MBNL2: variants seen among roughly 807,000 people sequenced by gnomAD.
MBNL2 encodes the protein muscleblind like splicing regulator 2, also known as muscleblind-like protein 2.
A neutral mutation model predicts 41.9 loss-of-function variants in MBNL2; 17 were observed. The ratio of observed to expected loss-of-function variants is 0.41; its 90% CI spans 0.28 to 0.61. MBNL2 has a LOEUF of 0.61. MBNL2 is among the 20% of genes least tolerant of loss of function. The pLI is 0.35. For synonymous variants in MBNL2, 195 were observed against 182.9 expected (o/e 1.07, Z -0.53); for missense variants, 336 against 505.6 (o/e 0.66, Z 3.22).
At chr13:97,224,305 G>GA (rs577461549) in intron 1 of MBNL2, among the ~76,000 whole-genome samples, 89 of 152,266 alleles carry the variant, frequency 5.8e-4, no homozygotes, top group African/African-American at 2.0e-3. Context: ...TGCTTTCATA[G>GA]AAAAATCATC....
At chr13:97,273,580 G>A (rs1474622914) in intron 1 of MBNL2, among the ~76,000 whole-genome samples, 3 of 152,196 alleles carry the variant, frequency 2.0e-5, no homozygotes, top group Non-Finnish European at 2.9e-5. Context: ...TTCCTTAAAT[G>A]TGCATGCAAT....
intron 1 of MBNL2, among the ~76,000 whole-genome samples, chr13:97,257,335 C>G (rs1218548696): frequency 1.3e-5 from 2 of 152,116 alleles, no homozygotes; most frequent in African/African-American, 4.8e-5. Context: ...GAACAAGTAA[C>G]TTGAGAGCTT....
At chr13:97,287,963 G>A (rs1594156673) in intron 2 of MBNL2, among the ~76,000 whole-genome samples, 2 of 130,402 alleles carry the variant, frequency 1.5e-5, no homozygotes, top group East Asian at 4.4e-4. Context: ...TAGTAGAGAT[G>A]GGGTTTCACG....
At chr13:97,352,042 A>AAATAAAT (rs1491363115) in intron 5 of MBNL2, among the ~76,000 whole-genome samples, 92 of 73,528 alleles carry the variant, frequency 1.3e-3, no homozygotes, top group Admixed American at 3.1e-3. Context: ...AAATATAAAT[A>AAATAAAT]AATAAATAAA....
At chr13:97,308,942 C>T (rs147514129) in intron 2 of MBNL2, among the ~76,000 whole-genome samples, 26 of 152,148 alleles carry the variant, frequency 1.7e-4, no homozygotes, top group African/African-American at 5.3e-4. Flanking sequence ...CGTTTCTGAG[C>T]GGGACTGAGG....
chr13:97,340,581 C>G (rs77515049), intron 3 of MBNL2, among the ~76,000 whole-genome samples: 1 of 152,084 alleles, frequency 6.6e-6, no homozygotes, highest in African/African-American at 2.4e-5. Context: ...TTGTTCTGCC[C>G]AACCCTTTCA....
chr13:97,262,654 G>A (rs948268551), intron 1 of MBNL2, among the ~76,000 whole-genome samples: 1 of 152,026 alleles, frequency 6.6e-6, no homozygotes, highest in Non-Finnish European at 1.5e-5. Flanking sequence ...CTGGATCCAT[G>A]CCCATCACTT....
At chr13:97,178,365 AAAAAC>A in the MBNL2 span, among the ~76,000 whole-genome samples, 371 of 152,340 alleles carry the variant, frequency 2.4e-3, 2 homozygotes, top group African/African-American at 8.4e-3. Context: ...AATTTAATGA[AAAAAC>A]AAATAAGCTG....
chr13:97,366,738 A>G lies in MBNL2; in HGVS notation c.1048+1567A>G, dbSNP rs2063875027. The G allele has an allele frequency of 1.5e-6, 1 of 664,898 alleles. No homozygotes were observed. The highest frequency in any genetic ancestry group is 1.6e-5 in the South Asian group (1 of 60,970). 41.2% of individuals were successfully genotyped at this position (664,898 alleles called of 1,614,324 possible). On this transcript the variant is annotated intron_variant, in intron 8 of 8. Coordinates refer to ENST00000679496, the MANE Select transcript of MBNL2 (RefSeq NM_001382683.1). This position sits in a 1 kb window ranked among gnomAD's most constrained non-coding sequence, Gnocchi z 4.7. The stretch of plus-strand genomic sequence containing the variant: ...TATTTAGAGTTAACATTTACTGCAA[A>G]TAATGATGTAGCTATGTTTTGTGTT...
At chr13:97,263,462 C>A (rs1184134190) in intron 1 of MBNL2, among the ~76,000 whole-genome samples, 1 of 152,146 alleles carries the variant, frequency 6.6e-6, no homozygotes, top group Non-Finnish European at 1.5e-5. Flanking sequence ...ATGAGGACCA[C>A]ACTACCCTGA....
At chr13:97,216,077 C>T in the MBNL2 span, among the ~76,000 whole-genome samples, 2 of 152,186 alleles carry the variant, frequency 1.3e-5, no homozygotes, top group Admixed American at 6.5e-5. Context: ...TTCCCATCTT[C>T]TGCCTCTAGA....
At chr13:97,164,925 C>T in the MBNL2 span, among the ~76,000 whole-genome samples, 1 of 152,196 alleles carries the variant, frequency 6.6e-6, no homozygotes, top group Non-Finnish European at 1.5e-5. Flanking sequence ...GAAAACAAGG[C>T]TGGGCGTGGT....
At chr13:97,173,639 C>A in the MBNL2 span, among the ~76,000 whole-genome samples, 1 of 152,120 alleles carries the variant, frequency 6.6e-6, no homozygotes, top group Non-Finnish European at 1.5e-5. Context: ...TAAGTGGAAC[C>A]AAAGAAGCCC....
intron 5 of MBNL2, among the ~76,000 whole-genome samples, chr13:97,347,376 G>C (rs911549362): frequency 2.6e-5 from 4 of 152,186 alleles, no homozygotes; most frequent in Admixed American, 1.3e-4. Context: ...GAGAGGCTCA[G>C]GGGCCTTGTA....
chr13:97,337,117 C>G (rs1300000856), intron 3 of MBNL2, among the ~76,000 whole-genome samples: 1 of 152,048 alleles, frequency 6.6e-6, no homozygotes, highest in Non-Finnish European at 1.5e-5. Flanking sequence ...GAGGGTGGAG[C>G]CCTCATGAAT....
At chr13:97,349,574 T>C (rs560932142) in intron 5 of MBNL2, among the ~76,000 whole-genome samples, 11 of 152,312 alleles carry the variant, frequency 7.2e-5, no homozygotes, top group African/African-American at 2.6e-4. Context: ...GTCACCCAGG[T>C]TGGAGTGCAG....
the MBNL2 span, among the ~76,000 whole-genome samples, chr13:97,206,646 G>A: frequency 9.5e-4 from 144 of 152,246 alleles, no homozygotes; most frequent in African/African-American, 3.3e-3. Context: ...CCAGGCAATG[G>A]CACATGCTAA....
chr13:97,369,574 G>A (rs2064169108), intron 8 of MBNL2, among the ~76,000 whole-genome samples: 1 of 152,188 alleles, frequency 6.6e-6, no homozygotes, highest in South Asian at 2.1e-4. Context: ...CAGACTGTCA[G>A]TTCAAATATT....
intron 2 of MBNL2, among the ~76,000 whole-genome samples, chr13:97,310,490 C>T (rs1401763006): frequency 6.6e-6 from 1 of 150,576 alleles, no homozygotes; most frequent in East Asian, 2.0e-4. Context: ...AGTGCAGTGG[C>T]GCGATCTCGG....
Sources: allele counts gnomAD v4.1 joint callset (sites outside exome capture counted in the v4.1 genomes callset), GRCh38; gene constraint gnomAD v4.1.1; non-coding constraint Gnocchi (gnomAD v3.1); transcripts MANE v1.5; gene names NCBI Gene and HGNC (gene_info 2026-07-23, HGNC 2026-07-21).